The following IMPA1 variants were observed in gnomAD, a reference collection of about 807,000 sequenced individuals.
IMPA1 encodes D-galactose 1-phosphate phosphatase.
Under a neutral mutation model 34.9 loss-of-function variants are expected in IMPA1, and 21 were observed. That is an observed-to-expected ratio of 0.60 (90% CI 0.43 to 0.87). IMPA1 has a LOEUF of 0.87. IMPA1 is among the 40% of genes least tolerant of loss of function. The pLI is 0.00. For missense variants in IMPA1, 299 were observed against 336.4 expected (o/e 0.89, Z 0.87); for synonymous variants, 95 against 104.4 (o/e 0.91, Z 0.55).
At chr8:81,669,443 G>T (rs995787815) in intron 7 of IMPA1, among the ~76,000 whole-genome samples, 2 of 152,240 alleles carry the variant, frequency 1.3e-5, no homozygotes, top group Non-Finnish European at 2.9e-5. Context: ...TCTCCATGAG[G>T]TGGTACATGC....
At chr8:81,664,181 T>C (rs1806755205) in intron 7 of IMPA1, among the ~76,000 whole-genome samples, 1 of 152,194 alleles carries the variant, frequency 6.6e-6, no homozygotes, top group Admixed American at 6.5e-5. Context: ...TTTATTAAAC[T>C]GTCATTACAG....
chr8:81,680,836 G>A, intron 2 of IMPA1, 53 bp from the exon 3 acceptor site: 2 of 1,321,328 alleles, frequency 1.5e-6, no homozygotes, highest in Non-Finnish European at 2.1e-6. Context: ...TAAACAAAAA[G>A]ATAAAATACA....
In IMPA1 at chr8:81,686,305, T is replaced by G; in HGVS notation, c.-78A>C. 1 of 988,576 alleles carries G rather than the reference T, an allele frequency of 1.0e-6. No individual in the cohort carries two copies. Among genetic ancestry groups the G allele is most frequent in the South Asian group, 4.6e-5 (1 of 21,678 alleles). The allele number at this position is 988,576 out of a possible 1,614,324, so 61.2% of individuals were successfully genotyped here. On this transcript the variant is annotated 5_prime_UTR_variant, in exon 1 of 9. Coordinates refer to ENST00000256108, the MANE Select transcript of IMPA1 (RefSeq NM_005536.4). ...TGTGAACGGTGTTACCGCACTCGTC[T>G]CTTCCGGAGGTAGAGGGGCTACTCG... is the stretch of plus-strand genomic sequence containing the variant.
chr8:81,675,758 TA>T (rs1224163387), intron 5 of IMPA1, among the ~76,000 whole-genome samples: 2 of 152,232 alleles, frequency 1.3e-5, no homozygotes, highest in African/African-American at 4.8e-5. Flanking sequence ...GCTTTAGATG[TA>T]AGTATTTACA....
At position 81,673,490 on chromosome 8, in the gene IMPA1, C is replaced by T. The variant is rs531621040; in HGVS notation, c.457+351G>A. Among the ~76,000 whole-genome samples, 203 of 152,168 alleles carry T rather than the reference C, an allele frequency of 1.3e-3. 1 individual carries two copies. The highest frequency in any genetic ancestry group is 2.5e-3 in the Non-Finnish European group (169 of 68,044). ...TACCCCAACCACCTCGGGCACATGT[C>T]GTCAGGACCTCCTGAGGCTGTGTCA... is the stretch of plus-strand genomic sequence containing the variant. On this transcript the variant is annotated intron_variant, in intron 6 of 8. Coordinates refer to ENST00000256108, the MANE Select transcript of IMPA1 (RefSeq NM_005536.4).
chr8:81,668,612 A>G (rs1279479905), intron 7 of IMPA1, among the ~76,000 whole-genome samples: 1 of 152,070 alleles, frequency 6.6e-6, no homozygotes, highest in Non-Finnish European at 1.5e-5. Context: ...AAACAAACAA[A>G]CAAACAACCA....
rs1806631042 is a variant in IMPA1 at position 81,660,287 on chromosome 8, C to A, written c.718+229G>T. Among the ~76,000 whole-genome samples, 6 of 152,138 alleles carry A rather than the reference C, an allele frequency of 3.9e-5. No homozygotes were observed. The South Asian group carries it at 1.2e-3, about 32-fold the overall frequency. On this transcript the variant is annotated intron_variant, in intron 8 of 8. Transcript: ENST00000256108. ...TACAGCCTTTCAGGAGTACCTGAAACTCACACTAGAAAAGGATTAGCCATT... is the reference window on the plus strand; with the variant it reads ...TACAGCCTTTCAGGAGTACCTGAAAATCACACTAGAAAAGGATTAGCCATT...
At position 81,674,096 on chromosome 8, in the gene IMPA1, A is replaced by G. The variant is rs967851157; in HGVS notation, c.349-147T>C. On this transcript the variant is annotated intron_variant, in intron 5 of 8. Coordinates refer to ENST00000256108, the MANE Select transcript of IMPA1 (RefSeq NM_005536.4). ...TGGGATACTTAAAATGTTAATTTCCAGACTAATCAAGAGAAAGAGGTCACC... is the reference window on the plus strand; with the variant it reads ...TGGGATACTTAAAATGTTAATTTCCGGACTAATCAAGAGAAAGAGGTCACC... 3 of 576,556 alleles carry G rather than the reference A, an allele frequency of 5.2e-6. No homozygotes were observed. In the Admixed American group the frequency reaches 8.9e-5, roughly 17 times the overall value. 35.7% of individuals were successfully genotyped at this position (576,556 alleles called of 1,614,324 possible). A position where few individuals can be genotyped will look rare whatever the true frequency, so the allele number is the denominator to read the frequency against.
At chr8:81,666,234 T>C (rs1585891196) in intron 7 of IMPA1, among the ~76,000 whole-genome samples, 1 of 152,212 alleles carries the variant, frequency 6.6e-6, no homozygotes, top group African/African-American at 2.4e-5. Flanking sequence ...AAAGGTACTA[T>C]AAAAGTTGTA....
rs961012571 is a variant in IMPA1 at position 81,685,924 on chromosome 8, G to A, written c.-25+328C>T. The A allele has an allele frequency of 1.9e-6, 3 of 1,542,334 alleles. No homozygotes were observed. The Admixed American group carries it at 6.0e-5, about 31-fold the overall frequency. On this transcript the variant is annotated intron_variant, in intron 1 of 8. Coordinates refer to ENST00000256108, the MANE Select transcript of IMPA1 (RefSeq NM_005536.4). ...CCTGGGCGCTGCCCCATCACTTAGAGTGACTACCTGGGCCTGGGGATGCAC... is the reference window on the plus strand; with the variant it reads ...CCTGGGCGCTGCCCCATCACTTAGAATGACTACCTGGGCCTGGGGATGCAC...
chr8:81,660,772 T>C (rs1806646740), intron 7 of IMPA1, 105 bp from the exon 8 acceptor site: 1 of 764,424 alleles, frequency 1.3e-6, no homozygotes, highest in African/African-American at 1.7e-5. Flanking sequence ...CTTGGAACGA[T>C]CTAGAGGATA....
chr8:81,676,218 GT>G lies in IMPA1; in HGVS notation c.348+15del, dbSNP rs1807125508. The G allele has an allele frequency of 8.3e-7, 1 of 1,207,064 alleles. No homozygotes were observed. The highest frequency in any genetic ancestry group is 1.5e-5 in the South Asian group (1 of 65,546). 74.8% of individuals were successfully genotyped at this position (1,207,064 alleles called of 1,614,324 possible). A position where few individuals can be genotyped will look rare whatever the true frequency, so the allele number is the denominator to read the frequency against. ...GAGCAAGGCATATAATCAACTATAC[GT>G]TTAAAAAATCATACCTTTTTATTTA... is the stretch of plus-strand genomic sequence containing the variant. On this transcript the variant is annotated intron_variant, in intron 5 of 8. Transcript: ENST00000256108.
chr8:81,669,470 T>C (rs1214025713), intron 7 of IMPA1, among the ~76,000 whole-genome samples: 4 of 152,202 alleles, frequency 2.6e-5, no homozygotes, highest in African/African-American at 7.2e-5. Context: ...AAGTGATTAT[T>C]CTTGAGCTTT....
At chr8:81,670,564 C>T (rs576317708) in intron 7 of IMPA1, among the ~76,000 whole-genome samples, 1 of 152,256 alleles carries the variant, frequency 6.6e-6, no homozygotes, top group East Asian at 1.9e-4. Context: ...GTCTATCTTA[C>T]AGACTTCTAT....
At chr8:81,685,124 ATATT>A (rs1488920096) in intron 1 of IMPA1, among the ~76,000 whole-genome samples, 4 of 136,002 alleles carry the variant, frequency 2.9e-5, no homozygotes, top group Non-Finnish European at 4.6e-5. Flanking sequence ...TACATTAAGT[ATATT>A]TAGATACTAT....
At chr8:81,664,254 C>G (rs1806757477) in intron 7 of IMPA1, among the ~76,000 whole-genome samples, 1 of 152,022 alleles carries the variant, frequency 6.6e-6, no homozygotes, top group Non-Finnish European at 1.5e-5. Context: ...TGTATACCCT[C>G]CTGGAAAATA....
chr8:81,670,363 AG>A (rs975277427), intron 7 of IMPA1, among the ~76,000 whole-genome samples: 25 of 150,998 alleles, frequency 1.7e-4, no homozygotes, highest in Non-Finnish European at 3.2e-4. Flanking sequence ...CTAATCAAAA[AG>A]GAAAAAAAAG....
intron 8 of IMPA1, 85 bp from the exon 9 acceptor site, chr8:81,659,551 C>T (rs1460181794): frequency 1.4e-6 from 1 of 726,790 alleles, no homozygotes; most frequent in Non-Finnish European, 2.4e-6. Flanking sequence ...GTACTATGGT[C>T]ACATAACATT....
At chr8:81,666,163 T>C (rs1027030098) in intron 7 of IMPA1, among the ~76,000 whole-genome samples, 1 of 152,194 alleles carries the variant, frequency 6.6e-6, no homozygotes, top group East Asian at 1.9e-4. Context: ...GAGACTTACA[T>C]AGGCAATAGG....
Sources: allele counts gnomAD v4.1 joint callset (sites outside exome capture counted in the v4.1 genomes callset), GRCh38; gene constraint gnomAD v4.1.1; transcripts MANE v1.5; gene names NCBI Gene and HGNC (gene_info 2026-07-23, HGNC 2026-07-21).